The following RIMS2 variants were observed in gnomAD, a reference collection of about 807,000 sequenced individuals.
RIMS2 encodes the protein regulating synaptic membrane exocytosis protein 2.
RIMS2 carries 59 observed loss-of-function variants against 174.4 expected under a neutral mutation model. The observed-to-expected ratio is 0.34, with a 90% CI of 0.27 to 0.42. The LOEUF (loss-of-function observed/expected upper bound fraction) is 0.42. RIMS2 is among the 10% of genes least tolerant of loss of function. The pLI is 1.00. For synonymous variants in RIMS2, 606 were observed against 572.5 expected (o/e 1.06, Z -0.84); for missense variants, 1,620 against 1,666.3 (o/e 0.97, Z 0.48).
chr8:104,050,203 A>G (rs1180167410), intron 19 of RIMS2, among the ~76,000 whole-genome samples: 6 of 152,166 alleles, frequency 3.9e-5, no homozygotes, highest in Non-Finnish European at 8.8e-5. Context: ...AAGATATTTT[A>G]TATTCCAAAA....
At chr8:103,643,070 T>G (rs113548580) in intron 1 of RIMS2, among the ~76,000 whole-genome samples, 3 of 152,146 alleles carry the variant, frequency 2.0e-5, no homozygotes, top group African/African-American at 7.2e-5. Context: ...TGTCCCTCAG[T>G]TTTTGAATAT....
At chr8:104,246,355 G>A (rs1563981117) in intron 20 of RIMS2, among the ~76,000 whole-genome samples, 1 of 151,148 alleles carries the variant, frequency 6.6e-6, no homozygotes, top group Admixed American at 6.6e-5. Flanking sequence ...TTTTTTGTTT[G>A]TTTTCTTTTC....
chr8:103,692,345 C>T (rs894097629), intron 1 of RIMS2, among the ~76,000 whole-genome samples: 1 of 152,188 alleles, frequency 6.6e-6, no homozygotes, highest in Non-Finnish European at 1.5e-5. Flanking sequence ...ATTTCAGAGC[C>T]AGGGCCTGGA....
chr8:103,563,143 T>G (rs2132046205), intron 1 of RIMS2, among the ~76,000 whole-genome samples: 1 of 152,336 alleles, frequency 6.6e-6, no homozygotes, highest in African/African-American at 2.4e-5. Flanking sequence ...TCTTGGTGAT[T>G]AACATTCAGC....
At chr8:103,804,046 A>G (rs970676442) in intron 3 of RIMS2, among the ~76,000 whole-genome samples, 2 of 152,202 alleles carry the variant, frequency 1.3e-5, no homozygotes, top group Non-Finnish European at 2.9e-5. Flanking sequence ...ACATCATTTT[A>G]AGCTATTAAA....
chr8:103,697,966 C>G (rs1027263695), intron 2 of RIMS2, among the ~76,000 whole-genome samples: 1 of 135,956 alleles, frequency 7.4e-6, no homozygotes, highest in Non-Finnish European at 1.6e-5. Context: ...AACAGAGACT[C>G]TGTCTCAAAA....
chr8:103,654,500 G>A lies in RIMS2; in HGVS notation c.177-42586G>A, dbSNP rs182446477. Among the ~76,000 whole-genome samples the A allele has an allele frequency of 1.2e-3, 186 of 151,970 alleles. 3 individuals carry two copies. In the South Asian group the frequency reaches 0.017, roughly 14 times the overall value. On this transcript the variant is annotated intron_variant, in intron 1 of 23. Coordinates refer to ENST00000504942, the Ensembl canonical transcript of RIMS2. ...AATTCATTCTTGCTCTGTGATTTAT[G>A]TAGTTTTAAAAATTCAGAATCAATA...
intron 1 of RIMS2, among the ~76,000 whole-genome samples, chr8:103,615,284 T>C (rs752845605): frequency 6.6e-6 from 1 of 152,170 alleles, no homozygotes; most frequent in Non-Finnish European, 1.5e-5. Context: ...GACTTCTGGG[T>C]AAATAATGAA....
intron 1 of RIMS2, chr8:103,568,623 A>C (rs1587941327): frequency 1.7e-6 from 1 of 590,704 alleles, no homozygotes; most frequent in South Asian, 1.5e-5. Context: ...TGACTGTGCA[A>C]TATCAGCAAG....
intron 2 of RIMS2, among the ~76,000 whole-genome samples, chr8:103,718,127 C>T (rs1372973761): frequency 2.0e-5 from 3 of 152,072 alleles, no homozygotes. Context: ...AGTATACTTG[C>T]TAGTCCCAAT....
intron 2 of RIMS2, among the ~76,000 whole-genome samples, chr8:103,728,955 T>A (rs528414270): frequency 1.3e-5 from 2 of 152,186 alleles, no homozygotes; most frequent in Non-Finnish European, 2.9e-5. Context: ...ATCTTTCTAA[T>A]GTATTGTTGA....
intron 19 of RIMS2, among the ~76,000 whole-genome samples, chr8:104,080,642 C>T (rs1050223466): frequency 4.6e-5 from 7 of 152,064 alleles, no homozygotes; most frequent in African/African-American, 1.7e-4. Flanking sequence ...TAACATGGAA[C>T]CATTCACATC....
At chr8:104,135,457 T>A (rs2098510595) in intron 19 of RIMS2, among the ~76,000 whole-genome samples, 1 of 151,068 alleles carries the variant, frequency 6.6e-6, no homozygotes, top group Non-Finnish European at 1.5e-5. Flanking sequence ...ATAGAAAAAA[T>A]TAGTCAGGTG....
At chr8:103,577,699 T>C (rs1315130891) in intron 1 of RIMS2, among the ~76,000 whole-genome samples, 2 of 152,130 alleles carry the variant, frequency 1.3e-5, no homozygotes, top group African/African-American at 4.8e-5. Flanking sequence ...AAAATAAATA[T>C]TTACAAAAAT....
At chr8:103,968,710 A>G (rs1019953491) in intron 15 of RIMS2, among the ~76,000 whole-genome samples, 4 of 151,984 alleles carry the variant, frequency 2.6e-5, no homozygotes, top group Admixed American at 2.6e-4. Flanking sequence ...TGTTGCTATT[A>G]TTACTTTGAA....
chr8:103,535,603 TTCTGCTTCCTCACCTTCAG>T (rs1265341690), intron 1 of RIMS2, among the ~76,000 whole-genome samples: 1 of 152,240 alleles, frequency 6.6e-6, no homozygotes, highest in Non-Finnish European at 1.5e-5. Flanking sequence ...TGGCCATCTG[TTCTGCTTCCTCACCTTCAG>T]TTCTTCCCAA....
intron 2 of RIMS2, among the ~76,000 whole-genome samples, chr8:103,758,592 C>CT (rs2098063817): frequency 6.6e-6 from 1 of 152,144 alleles, no homozygotes; most frequent in Non-Finnish European, 1.5e-5. Context: ...GACCTGTGCT[C>CT]TTATTCACTG....
intron 1 of RIMS2, among the ~76,000 whole-genome samples, chr8:103,587,778 A>G (rs539641797): frequency 6.6e-6 from 1 of 152,218 alleles, no homozygotes; most frequent in South Asian, 2.1e-4. Context: ...TAAAAGCCAC[A>G]TATGACAGAC....
At chr8:103,879,054 G>T (rs539599086) in intron 3 of RIMS2, among the ~76,000 whole-genome samples, 3 of 151,454 alleles carry the variant, frequency 2.0e-5, no homozygotes, top group Admixed American at 1.3e-4. Context: ...AACATGTTAA[G>T]AGTAAAGAGT....
Sources: gnomAD v4.1 joint callset for allele counts (sites outside exome capture counted in the v4.1 genomes callset) on GRCh38, gnomAD v4.1.1 for gene constraint, MANE v1.5 for transcripts, NCBI Gene and HGNC (gene_info 2026-07-23, HGNC 2026-07-21) for gene names.